Variants in SLC25A21 observed in about 807,000 individuals in gnomAD.
The protein encoded by SLC25A21 is solute carrier family 25 member 21.
A neutral mutation model predicts 43.8 loss-of-function variants in SLC25A21; 47 were observed. That is an observed-to-expected ratio of 1.07 (90% CI 0.85 to 1.37). The LOEUF (loss-of-function observed/expected upper bound fraction) is 1.37, where lower values mean the gene tolerates loss of function less well. Among genes scored for constraint, SLC25A21 ranks in the 40% most tolerant of loss-of-function variants. The pLI is 0.00. For synonymous variants in SLC25A21, 131 were observed against 121.3 expected (o/e 1.08, Z -0.52); for missense variants, 352 against 350.2 (o/e 1.00, Z -0.04).
chr14:37,053,134 T>C (rs1389835679), intron 1 of SLC25A21, among the ~76,000 whole-genome samples: 1 of 152,186 alleles, frequency 6.6e-6, no homozygotes, highest in Admixed American at 6.5e-5. Flanking sequence ...GAACATAAAA[T>C]TGAATTGTTG....
intron 1 of SLC25A21, among the ~76,000 whole-genome samples, chr14:36,959,098 T>C (rs147697684): frequency 6.6e-6 from 1 of 152,172 alleles, no homozygotes; most frequent in East Asian, 1.9e-4. Context: ...GAGTACACAG[T>C]ATGTGGCATG....
At chr14:37,092,153 T>C (rs1962599251) in intron 1 of SLC25A21, among the ~76,000 whole-genome samples, 1 of 151,952 alleles carries the variant, frequency 6.6e-6, no homozygotes, top group African/African-American at 2.4e-5. Flanking sequence ...ATAGCAAGGG[T>C]CTTTGTCTGA....
At chr14:36,959,987 A>G (rs927492234) in intron 1 of SLC25A21, among the ~76,000 whole-genome samples, 3 of 152,178 alleles carry the variant, frequency 2.0e-5, no homozygotes, top group African/African-American at 7.2e-5. Context: ...CTGTCCAATT[A>G]GGACAAGAAT....
chr14:36,760,754 T>C (rs1489318614), intron 3 of SLC25A21, among the ~76,000 whole-genome samples: 1 of 152,162 alleles, frequency 6.6e-6, no homozygotes, highest in African/African-American at 2.4e-5. Flanking sequence ...TGATATGGAA[T>C]GCCAGCGTGC....
At chr14:36,961,523 A>G (rs1034880068) in intron 1 of SLC25A21, among the ~76,000 whole-genome samples, 2 of 152,154 alleles carry the variant, frequency 1.3e-5, no homozygotes, top group African/African-American at 4.8e-5. Flanking sequence ...AGACGCTTTA[A>G]AAAGTCATGG....
At chr14:36,972,116 C>T (rs1959764695) in intron 1 of SLC25A21, among the ~76,000 whole-genome samples, 1 of 152,162 alleles carries the variant, frequency 6.6e-6, no homozygotes, top group African/African-American at 2.4e-5. Flanking sequence ...TTTGGATACA[C>T]ACATACATAC....
intron 1 of SLC25A21, among the ~76,000 whole-genome samples, chr14:36,987,087 T>A (rs1467670260): frequency 6.6e-6 from 1 of 152,134 alleles, no homozygotes; most frequent in Non-Finnish European, 1.5e-5. Flanking sequence ...TTTGTTCCTA[T>A]CAGAAGGTAG....
At chr14:36,868,023 G>A (rs758705677) in intron 2 of SLC25A21, among the ~76,000 whole-genome samples, 2 of 151,956 alleles carry the variant, frequency 1.3e-5, no homozygotes, top group Non-Finnish European at 2.9e-5. Context: ...CAAACTTGAA[G>A]CTGCCAAGGC....
intron 1 of SLC25A21, among the ~76,000 whole-genome samples, chr14:37,069,152 G>A (rs1400895203): frequency 1.3e-5 from 2 of 151,732 alleles, no homozygotes; most frequent in Non-Finnish European, 2.9e-5. Flanking sequence ...ACTCCAGCCT[G>A]AGCAACAGAG....
At chr14:36,723,655 T>C (rs1195846314) in intron 6 of SLC25A21, among the ~76,000 whole-genome samples, 1 of 152,232 alleles carries the variant, frequency 6.6e-6, no homozygotes, top group African/African-American at 2.4e-5. Flanking sequence ...AGGGTGTTTA[T>C]TGCATTCTTG....
chr14:36,993,782 A>G (rs1278749848), intron 1 of SLC25A21, among the ~76,000 whole-genome samples: 1 of 152,148 alleles, frequency 6.6e-6, no homozygotes, highest in African/African-American at 2.4e-5. Context: ...TTCAGAGTAA[A>G]TTTATAAGGA....
At chr14:37,164,200 ATATT>A (rs1963995223) in intron 1 of SLC25A21, among the ~76,000 whole-genome samples, 1 of 152,208 alleles carries the variant, frequency 6.6e-6, no homozygotes, top group Non-Finnish European at 1.5e-5. Context: ...TATGCAACTC[ATATT>A]TTGTTTGTTC....
intron 1 of SLC25A21, among the ~76,000 whole-genome samples, chr14:37,029,450 T>C (rs1396199784): frequency 6.6e-6 from 1 of 152,208 alleles, no homozygotes; most frequent in Non-Finnish European, 1.5e-5. Context: ...ATTAACTCAA[T>C]TTTACAACGA....
At chr14:36,790,519 A>G (rs1034791168) in intron 3 of SLC25A21, among the ~76,000 whole-genome samples, 1 of 152,116 alleles carries the variant, frequency 6.6e-6, no homozygotes, top group African/African-American at 2.4e-5. Context: ...TCAAAAAATT[A>G]TTTTGCACAT....
intron 2 of SLC25A21, among the ~76,000 whole-genome samples, chr14:36,857,526 G>A (rs1287560709): frequency 6.6e-6 from 1 of 152,226 alleles, no homozygotes; most frequent in Non-Finnish European, 1.5e-5. Context: ...ATCATGCCGA[G>A]GCTTTTGAGA....
Position 36,872,451 on chromosome 14 carries a change from G to A in SLC25A21, c.119+2505C>T, listed in dbSNP as rs111598554. Among the ~76,000 whole-genome samples, 154 of 152,260 alleles carry A rather than the reference G, an allele frequency of 1.0e-3. 3 individuals are homozygous for A. The highest frequency in any genetic ancestry group is 3.6e-3 in the African/African-American group (151 of 41,558). On this transcript the variant is annotated intron_variant, in intron 2 of 9. Transcript: ENST00000331299. ...CAGTCATCTCCTGTATAATGTGATG[G>A]TGAAGAGGTTCCCACATGTGAGTCT...
chr14:36,807,367 G>T (rs1244589033), intron 3 of SLC25A21, among the ~76,000 whole-genome samples: 1 of 152,156 alleles, frequency 6.6e-6, no homozygotes, highest in Non-Finnish European at 1.5e-5. Context: ...GTTGAGAGGG[G>T]AGAGAAAAAG....
rs114724741 is a variant in SLC25A21 at position 36,932,351 on chromosome 14, C to T, written c.71-57347G>A. Among the ~76,000 whole-genome samples the T allele has an allele frequency of 2.7e-3, 404 of 152,218 alleles. 2 individuals are homozygous for T. The highest frequency in any genetic ancestry group is 9.4e-3 in the African/African-American group (392 of 41,548). On this transcript the variant is annotated intron_variant, in intron 1 of 9. Transcript: ENST00000331299. ...GTTCTGCTCAGGTCAGTGGTTGATACTCAACAAGAACCAAGGGATTTACGG... is the reference window on the plus strand; with the variant it reads ...GTTCTGCTCAGGTCAGTGGTTGATATTCAACAAGAACCAAGGGATTTACGG...
At chr14:37,076,991 A>G (rs1350115539) in intron 1 of SLC25A21, among the ~76,000 whole-genome samples, 3 of 152,204 alleles carry the variant, frequency 2.0e-5, no homozygotes, top group Non-Finnish European at 4.4e-5. Context: ...GAATAATGAA[A>G]TATTGGGGTT....
Sources: gnomAD v4.1 joint callset for allele counts (sites outside exome capture counted in the v4.1 genomes callset) on GRCh38, gnomAD v4.1.1 for gene constraint, MANE v1.5 for transcripts, NCBI Gene and HGNC (gene_info 2026-07-23, HGNC 2026-07-21) for gene names.